SGK3: variants seen among roughly 807,000 people sequenced by gnomAD.
SGK3 encodes the protein serum/glucocorticoid regulated kinase family member 3, also known as serine/threonine-protein kinase Sgk3.
A neutral mutation model predicts 68.5 loss-of-function variants in SGK3; 47 were observed. The ratio of observed to expected loss-of-function variants is 0.69; its 90% CI spans 0.54 to 0.87. SGK3 has a LOEUF of 0.87. Among genes scored for constraint, SGK3 ranks in the 40% least tolerant of loss-of-function variants. The pLI, the probability that SGK3 is intolerant of heterozygous loss-of-function variation, is 0.00. For synonymous variants in SGK3, 181 were observed against 189.1 expected (o/e 0.96, Z 0.35); for missense variants, 479 against 575.5 (o/e 0.83, Z 1.72).
intron 3 of SGK3, among the ~76,000 whole-genome samples, chr8:66,802,513 G>T (rs1411934680): frequency 6.6e-6 from 1 of 151,962 alleles, no homozygotes. Flanking sequence ...ATGACATAAT[G>T]AGACTGTCTC....
intron 1 of SGK3, among the ~76,000 whole-genome samples, chr8:66,760,306 C>T (rs1034624006): frequency 1.4e-5 from 2 of 144,692 alleles, no homozygotes; most frequent in African/African-American, 2.5e-5. Flanking sequence ...ATGTGACAGG[C>T]TTACTTTGTT....
At chr8:66,813,778 G>T (rs1808472830) in intron 4 of SGK3, 75 bp from the exon 5 acceptor site, 21 of 1,286,920 alleles carry the variant, frequency 1.6e-5, no homozygotes, top group Non-Finnish European at 2.2e-5. Context: ...TCTTGTGCTT[G>T]TCTATTATAT....
chr8:66,821,506 A>G (rs1164366358), intron 5 of SGK3, among the ~76,000 whole-genome samples: 2 of 150,690 alleles, frequency 1.3e-5, no homozygotes, highest in Non-Finnish European at 3.0e-5. Context: ...CTTTCACTGG[A>G]CCTGCACATA....
intron 16 of SGK3, among the ~76,000 whole-genome samples, chr8:66,858,660 C>A (rs1810623903): frequency 6.6e-6 from 1 of 152,066 alleles, no homozygotes; most frequent in South Asian, 2.1e-4. Flanking sequence ...TCAAAAAGAA[C>A]CTTAACTGTT....
intron 7 of SGK3, among the ~76,000 whole-genome samples, chr8:66,830,235 A>G (rs1324428610): frequency 6.6e-6 from 1 of 152,112 alleles, no homozygotes; most frequent in Non-Finnish European, 1.5e-5. Context: ...CAGCTCGCCT[A>G]TTTACTGTTT....
intron 1 of SGK3, among the ~76,000 whole-genome samples, chr8:66,769,382 C>T (rs569494626): frequency 3.2e-4 from 48 of 152,320 alleles, no homozygotes; most frequent in African/African-American, 1.1e-3. Context: ...CGCCACCATG[C>T]CCAGCTAATT....
At chr8:66,756,655 C>T (rs1268066348) in intron 1 of SGK3, among the ~76,000 whole-genome samples, 1 of 141,408 alleles carries the variant, frequency 7.1e-6, no homozygotes, top group Non-Finnish European at 1.5e-5. Context: ...ATATAGCTCA[C>T]TGCAGCCTCA....
chr8:66,823,488 C>T (rs774126480), intron 6 of SGK3, among the ~76,000 whole-genome samples: 5 of 151,290 alleles, frequency 3.3e-5, no homozygotes, highest in Non-Finnish European at 5.9e-5. Flanking sequence ...AGCTGTGCCT[C>T]CCAGGTTCAA....
At chr8:66,737,816 A>G (rs1297901493) in intron 1 of SGK3, 1 of 151,846 alleles carries the variant, frequency 6.6e-6, no homozygotes, top group Non-Finnish European at 1.5e-5. Context: ...AGGTTTCATC[A>G]TGTTGCCCAA....
At chr8:66,857,427 A>G (rs2130763172) in intron 16 of SGK3, among the ~76,000 whole-genome samples, 1 of 152,278 alleles carries the variant, frequency 6.6e-6, no homozygotes, top group East Asian at 1.9e-4. Context: ...GAAATAACCT[A>G]GAAATTCAGG....
chr8:66,857,841 G>GTGTGTGTA (rs1810586513), intron 16 of SGK3, among the ~76,000 whole-genome samples: 2 of 148,250 alleles, frequency 1.3e-5, no homozygotes, highest in Non-Finnish European at 3.0e-5. Context: ...GTGTGTGTGT[G>GTGTGTGTA]TAGGAAAGGT....
At chr8:66,843,403 G>A (rs372365172) in intron 13 of SGK3, 49 bp from the exon 14 acceptor site, 12 of 1,553,860 alleles carry the variant, frequency 7.7e-6, no homozygotes, top group Non-Finnish European at 1.1e-5. Flanking sequence ...TATAAATTTT[G>A]TCTTGATTTG....
At chr8:66,837,040 T>C (rs1809566039) in intron 10 of SGK3, among the ~76,000 whole-genome samples, 1 of 152,200 alleles carries the variant, frequency 6.6e-6, no homozygotes, top group African/African-American at 2.4e-5. Flanking sequence ...TATTACTTAG[T>C]ATCCATCACT....
intron 1 of SGK3, among the ~76,000 whole-genome samples, chr8:66,723,144 T>C: frequency 8.1e-6 from 1 of 123,400 alleles, no homozygotes; most frequent in African/African-American, 3.0e-5. Context: ...TTTTTTTTTT[T>C]TTTTTTTTGT....
At chr8:66,789,664 C>T (rs566777157) in intron 1 of SGK3, among the ~76,000 whole-genome samples, 7 of 152,092 alleles carry the variant, frequency 4.6e-5, no homozygotes, top group South Asian at 4.1e-4. Context: ...TATCCAGTAA[C>T]GCTTGGGAGG....
intron 1 of SGK3, among the ~76,000 whole-genome samples, chr8:66,715,703 A>C (rs1209213186): frequency 6.6e-6 from 1 of 152,254 alleles, no homozygotes; most frequent in South Asian, 2.1e-4. Flanking sequence ...AAACACACAC[A>C]AAATTCCTCA....
Position 66,841,130 on chromosome 8 carries a change from G to A in SGK3, c.978+20G>A. ...CCAGAGGTAAGAAATATATCTCATT[G>A]TCATTTATATAATCATGTATAAAAT... On this transcript the variant is annotated intron_variant, in intron 13 of 16. Coordinates refer to ENST00000521198, the MANE Select transcript of SGK3 (RefSeq NM_001033578.3). 9.8e-6 allele frequency: 15 copies of A among 1,538,458 alleles called. No homozygotes were observed. Among genetic ancestry groups the A allele is most frequent in the Non-Finnish European group, 1.2e-5 (14 of 1,139,408 alleles).
At chr8:66,857,208 A>G (rs1239968561) in intron 16 of SGK3, among the ~76,000 whole-genome samples, 3 of 152,218 alleles carry the variant, frequency 2.0e-5, no homozygotes, top group African/African-American at 4.8e-5. Flanking sequence ...ACATACATAC[A>G]TATAAAACTT....
At chr8:66,822,340 G>C (rs376914097) in intron 5 of SGK3, 32 bp from the exon 6 acceptor site, 1 of 1,581,042 alleles carries the variant, frequency 6.3e-7, no homozygotes, top group African/African-American at 1.4e-5. Context: ...AAATGCTTTT[G>C]AAGTTATAAT....
Sources: gnomAD v4.1 joint callset for allele counts (sites outside exome capture counted in the v4.1 genomes callset) on GRCh38, gnomAD v4.1.1 for gene constraint, MANE v1.5 for transcripts, NCBI Gene and HGNC (gene_info 2026-07-23, HGNC 2026-07-21) for gene names.